IQCK: variants seen among roughly 807,000 people sequenced by gnomAD.
IQCK encodes IQ motif containing K.
A neutral mutation model predicts 28.1 loss-of-function variants in IQCK; 29 were observed. The observed-to-expected ratio is 1.03, with a 90% confidence interval of 0.77 to 1.41. The LOEUF (loss-of-function observed/expected upper bound fraction) is 1.41. Ranked by LOEUF, IQCK falls within the 40% of genes most tolerant of loss-of-function variation. The pLI, the probability that IQCK is intolerant of heterozygous loss-of-function variation, is 0.00. For synonymous variants in IQCK, 113 were observed against 115.1 expected (o/e 0.98, Z 0.12); for missense variants, 359 against 314.7 (o/e 1.14, Z -1.07).
chr16:19,732,829 G>A (rs571278384), intron 2 of IQCK, among the ~76,000 whole-genome samples: 2 of 152,162 alleles, frequency 1.3e-5, no homozygotes, highest in Non-Finnish European at 2.9e-5. Context: ...TCCTTTTCAG[G>A]CTGTTTCATT....
chr16:19,851,652 C>T (rs1289241353), intron 9 of IQCK, among the ~76,000 whole-genome samples: 3 of 152,104 alleles, frequency 2.0e-5, no homozygotes, highest in African/African-American at 4.8e-5. Flanking sequence ...GAAGGGCTGG[C>T]GTATCTCTCT....
At chr16:19,720,542 C>A (rs1428172795) in intron 1 of IQCK, among the ~76,000 whole-genome samples, 1 of 152,184 alleles carries the variant, frequency 6.6e-6, no homozygotes, top group African/African-American at 2.4e-5. Flanking sequence ...TAGCACAGTG[C>A]CTGGCATTTA....
chr16:19,737,284 T>G (rs954629420), intron 4 of IQCK, among the ~76,000 whole-genome samples: 7 of 152,270 alleles, frequency 4.6e-5, no homozygotes, highest in Non-Finnish European at 8.8e-5. Context: ...TAGTTGCCCT[T>G]CAGCACAGGG....
intron 1 of IQCK, among the ~76,000 whole-genome samples, chr16:19,727,717 T>C (rs866295291): frequency 1.3e-5 from 2 of 152,138 alleles, no homozygotes; most frequent in Non-Finnish European, 2.9e-5. Context: ...ACATTTTCTT[T>C]CAATAAGTAT....
At chr16:19,816,286 C>T (rs1343352039) in intron 7 of IQCK, among the ~76,000 whole-genome samples, 1 of 152,106 alleles carries the variant, frequency 6.6e-6, no homozygotes, top group South Asian at 2.1e-4. Flanking sequence ...CTCACAGCAA[C>T]ACTTCTTTTT....
intron 4 of IQCK, among the ~76,000 whole-genome samples, chr16:19,750,282 G>C (rs185684504): frequency 6.6e-6 from 1 of 151,256 alleles, no homozygotes; most frequent in South Asian, 2.1e-4. Context: ...GTGTGCCACC[G>C]TGCCTGGCTG....
At chr16:19,776,167 C>T (rs1420020608) in intron 6 of IQCK, among the ~76,000 whole-genome samples, 1 of 152,100 alleles carries the variant, frequency 6.6e-6, no homozygotes, top group East Asian at 1.9e-4. Context: ...AGGCATGAGC[C>T]ACTGCACCTG....
At chr16:19,771,200 T>G (rs1231277854) in intron 6 of IQCK, among the ~76,000 whole-genome samples, 1 of 152,142 alleles carries the variant, frequency 6.6e-6, no homozygotes, top group Non-Finnish European at 1.5e-5. Context: ...CAAGCCATCC[T>G]CCCACCTCGG....
intron 4 of IQCK, among the ~76,000 whole-genome samples, chr16:19,757,650 A>G (rs954107250): frequency 1.3e-5 from 2 of 152,200 alleles, no homozygotes; most frequent in African/African-American, 4.8e-5. Context: ...AGCCTGGGCA[A>G]CAGAGTGAGA....
chr16:19,758,157 T>A (rs2055078365), intron 4 of IQCK, among the ~76,000 whole-genome samples: 1 of 152,204 alleles, frequency 6.6e-6, no homozygotes, highest in Non-Finnish European at 1.5e-5. Context: ...TGTCTAAATC[T>A]CGCTCTTTAA....
intron 1 of IQCK, among the ~76,000 whole-genome samples, chr16:19,721,131 T>TATAACATGTAGTAAATTCAGTTTC (rs1287809646): frequency 3.9e-5 from 6 of 152,270 alleles, no homozygotes; most frequent in African/African-American, 1.4e-4. Context: ...AATGCAGTTT[T>TATAACATGTAGTAAATTCAGTTTC]CTATAACATG....
At chr16:19,816,612 C>G (rs1026704364) in intron 7 of IQCK, among the ~76,000 whole-genome samples, 1 of 152,096 alleles carries the variant, frequency 6.6e-6, no homozygotes, top group Non-Finnish European at 1.5e-5. Context: ...CTGGCTAATG[C>G]CTAAAATTAT....
At chr16:19,856,222 C>G (rs2056559133) in intron 9 of IQCK, among the ~76,000 whole-genome samples, 1 of 152,218 alleles carries the variant, frequency 6.6e-6, no homozygotes, top group African/African-American at 2.4e-5. Flanking sequence ...ACCGGCAAAG[C>G]ACACTTCTGA....
rs574955168 is a variant in IQCK, at chr16:19,741,784, C to T, written c.474+6334C>T. Among the ~76,000 whole-genome samples the T allele has an allele frequency of 4.5e-4, 69 of 152,140 alleles. No individual in the cohort carries two copies. The South Asian group carries it at 0.013, about 29-fold the overall frequency. On this transcript the variant is annotated intron_variant, in intron 4 of 7. Transcript: ENST00000564186. ...GGAGGATTGCTTGAACCCAGGAGTT[C>T]GAGACCAGCCTGGGCAACATGGTGA...
chr16:19,811,355 G>A (rs1189618452), intron 7 of IQCK, among the ~76,000 whole-genome samples: 1 of 152,170 alleles, frequency 6.6e-6, no homozygotes, highest in Non-Finnish European at 1.5e-5. Context: ...TCATTGGAAA[G>A]TTTATCAAAT....
At chr16:19,778,317 G>A (rs2055424948) in intron 6 of IQCK, among the ~76,000 whole-genome samples, 1 of 152,110 alleles carries the variant, frequency 6.6e-6, no homozygotes. Context: ...CCCTTATCCT[G>A]TGGGCTCCCT....
chr16:19,839,539 G>A (rs1053878449), intron 9 of IQCK, among the ~76,000 whole-genome samples: 1 of 152,136 alleles, frequency 6.6e-6, no homozygotes. Flanking sequence ...TGACAGCAGG[G>A]ACCTTTCTTT....
At chr16:19,755,765 A>C (rs2055043558) in intron 4 of IQCK, among the ~76,000 whole-genome samples, 1 of 152,222 alleles carries the variant, frequency 6.6e-6, no homozygotes, top group African/African-American at 2.4e-5. Flanking sequence ...TCCCTGTGGT[A>C]GAAGAGATTA....
At chr16:19,756,319 A>G (rs1014574061) in intron 4 of IQCK, among the ~76,000 whole-genome samples, 4 of 152,156 alleles carry the variant, frequency 2.6e-5, no homozygotes, top group Non-Finnish European at 5.9e-5. Context: ...GCTGATTGAA[A>G]TGTTCATGTA....
Sources: allele counts gnomAD v4.1 joint callset (sites outside exome capture counted in the v4.1 genomes callset), GRCh38; gene constraint gnomAD v4.1.1; transcripts MANE v1.5; gene names NCBI Gene and HGNC (gene_info 2026-07-23, HGNC 2026-07-21).